TBXAS1: variants seen among roughly 807,000 people sequenced by gnomAD.
TBXAS1 encodes thromboxane A synthase 1.
In TBXAS1, 48 loss-of-function variants were observed where a neutral mutation model predicts 60.7. That is an observed-to-expected ratio of 0.79 (90% CI 0.63 to 1.01). The LOEUF (loss-of-function observed/expected upper bound fraction) is 1.01, where lower values mean the gene tolerates loss of function less well. Among genes scored for constraint, TBXAS1 ranks in the 50% least tolerant of loss-of-function variants. The pLI is 0.00. For missense variants in TBXAS1, 685 were observed against 686.3 expected (o/e 1.00, Z 0.02); for synonymous variants, 287 against 269.7 (o/e 1.06, Z -0.63).
At chr7:139,891,811 A>G (rs969381899) in intron 3 of TBXAS1, among the ~76,000 whole-genome samples, 1 of 152,204 alleles carries the variant, frequency 6.6e-6, no homozygotes, top group African/African-American at 2.4e-5. Context: ...GGAAACTTCA[A>G]ACAGGAAGGT....
At chr7:139,830,640 C>A (rs1798641976) in intron 1 of TBXAS1, among the ~76,000 whole-genome samples, 1 of 152,046 alleles carries the variant, frequency 6.6e-6, no homozygotes, top group Non-Finnish European at 1.5e-5. Context: ...TACCCCCAGC[C>A]CCCAATAATC....
At chr7:139,787,755 T>A (rs1413943725) in intron 4 of TBXAS1, among the ~76,000 whole-genome samples, 1 of 152,222 alleles carries the variant, frequency 6.6e-6, no homozygotes, top group Non-Finnish European at 1.5e-5. Flanking sequence ...GCACCCCATT[T>A]TCCCTTACCT....
Position 139,962,036 on chromosome 7 carries a change from C to A in TBXAS1, c.937C>A (p.Pro313Thr). 2 of 1,614,220 alleles carry A rather than the reference C, an allele frequency of 1.2e-6. No individual in the cohort carries two copies. The highest frequency in any genetic ancestry group is 1.7e-6 in the Non-Finnish European group (2 of 1,180,038). Residue 313 changes from proline (P) to threonine (T), a missense_variant, in exon 9 of 13, where the codon CCT (proline) becomes ACT (threonine). Coordinates refer to ENST00000448866, the MANE Select transcript of TBXAS1 (RefSeq NM_001061.7). ...CTCCTCTACTGGGTGCAAGCCGAAC[C>A]CTTCCCGGCAACACCAGCCCAGCCC... Reference protein sequence around the residue: ...VFSSTGCKPNPSRQHQPSPMA... With the variant: ...VFSSTGCKPNTSRQHQPSPMA...
At chr7:139,898,683 G>A (rs988392413) in intron 3 of TBXAS1, among the ~76,000 whole-genome samples, 3 of 152,142 alleles carry the variant, frequency 2.0e-5, no homozygotes, top group African/African-American at 7.2e-5. Context: ...CTGATGCCCC[G>A]TTGGGGCACT....
chr7:139,880,671 G>A (rs949208556), intron 3 of TBXAS1, among the ~76,000 whole-genome samples: 1 of 152,164 alleles, frequency 6.6e-6, no homozygotes, highest in Non-Finnish European at 1.5e-5. Flanking sequence ...AAATTAGGTA[G>A]TGTTTTTAAG....
chr7:139,817,348 C>T (rs772427198), intron 4 of TBXAS1, among the ~76,000 whole-genome samples: 12 of 152,110 alleles, frequency 7.9e-5, no homozygotes, highest in Admixed American at 2.0e-4. Context: ...CTCCACAAGA[C>T]GCCGCCAGCA....
chr7:139,984,853 G>C (rs1187338255), intron 9 of TBXAS1, among the ~76,000 whole-genome samples: 1 of 129,662 alleles, frequency 7.7e-6, no homozygotes, highest in Admixed American at 8.0e-5. Flanking sequence ...GGAAGGAAAA[G>C]AAAGAAAGAA....
chr7:139,941,086 G>A (rs141550887), intron 5 of TBXAS1, among the ~76,000 whole-genome samples: 177 of 152,292 alleles, frequency 1.2e-3, no homozygotes, highest in Non-Finnish European at 2.1e-3. Flanking sequence ...ACAGATACTC[G>A]GCTGTGGGTA....
At position 140,013,920 on chromosome 7, in the gene TBXAS1, C is replaced by T. The variant is rs1814816741; in HGVS notation, c.1227-1803C>T. ...TTCTGATCTGCTGCCGTCCCCGATT[C>T]ATGGCCTCACTTCACCCACTGATTG... On this transcript the variant is annotated intron_variant, in intron 10 of 12. Coordinates refer to ENST00000448866, the MANE Select transcript of TBXAS1 (RefSeq NM_001061.7). The surrounding 1 kb of genome is among the most constrained non-coding windows in gnomAD (Gnocchi z 4.2). 6.6e-6 allele frequency among the ~76,000 whole-genome samples: 1 copy of T among 152,244 alleles called. No homozygotes were observed. Among genetic ancestry groups the T allele is most frequent in the South Asian group, 2.1e-4 (1 of 4,836 alleles).
In TBXAS1 at chr7:140,019,232, A is replaced by C. The variant is rs572982496; in HGVS notation, c.1528-793A>C. On this transcript the variant is annotated intron_variant, in intron 12 of 12. Coordinates refer to ENST00000448866, the MANE Select transcript of TBXAS1 (RefSeq NM_001061.7). Reference sequence around the variant, plus strand: ...TGAGATACTGAAAGTGAACGCATCCACATACTCTGGGCTGGAGACAGGGAG... The same window carrying C: ...TGAGATACTGAAAGTGAACGCATCCCCATACTCTGGGCTGGAGACAGGGAG... Among the ~76,000 whole-genome samples the C allele has an allele frequency of 2.7e-4, 41 of 152,340 alleles. No individual in the cohort carries two copies. In the East Asian group the frequency reaches 6.7e-3, roughly 25 times the overall value.
chr7:139,951,918 AG>A lies in TBXAS1; in HGVS notation c.451-1449del, dbSNP rs1253944832. ...AGGAAGGAAAGAAAGAGAAAGAAAG[AG>A]AGAAAGAAAGAGAGAAAGAAGGAAA... On this transcript the variant is annotated intron_variant, in intron 5 of 12. Coordinates refer to ENST00000448866, the MANE Select transcript of TBXAS1 (RefSeq NM_001061.7). Among the ~76,000 whole-genome samples the A allele has an allele frequency of 6.2e-5, 7 of 112,890 alleles. 1 individual carries two copies. The highest frequency in any genetic ancestry group is 9.2e-5 in the Non-Finnish European group (5 of 54,130). 74.1% of individuals were successfully genotyped at this position (112,890 alleles called of 152,430 possible).
chr7:139,980,614 C>T, intron 9 of TBXAS1, among the ~76,000 whole-genome samples: 1 of 151,870 alleles, frequency 6.6e-6, no homozygotes, highest in Non-Finnish European at 1.5e-5. Context: ...TATCATCTCT[C>T]CTCCACTTCC....
chr7:139,887,332 C>T (rs980475789), intron 3 of TBXAS1, among the ~76,000 whole-genome samples: 5 of 152,132 alleles, frequency 3.3e-5, no homozygotes, highest in African/African-American at 1.2e-4. Flanking sequence ...CATTAAGTAC[C>T]TTCACATTGT....
intron 4 of TBXAS1, among the ~76,000 whole-genome samples, chr7:139,801,025 T>C (rs1400809434): frequency 6.6e-6 from 1 of 152,230 alleles, no homozygotes. Context: ...CAGAAACAGT[T>C]TGAGACAGTT....
Position 139,967,389 on chromosome 7 carries a change from A to C in TBXAS1, c.1134+5156A>C, listed in dbSNP as rs1319101667. Among the ~76,000 whole-genome samples, 4 of 152,370 alleles carry C rather than the reference A, an allele frequency of 2.6e-5. No homozygotes were observed. The East Asian group carries it at 7.7e-4, about 29-fold the overall frequency. On this transcript the variant is annotated intron_variant, in intron 9 of 12. Coordinates refer to ENST00000448866, the MANE Select transcript of TBXAS1 (RefSeq NM_001061.7). Reference sequence around the variant, plus strand: ...AGACCCTCTTCCTTGGCTTGGGAGTAGGGAGGACCCTCTTCCCTAGGCCAA... The same window carrying C: ...AGACCCTCTTCCTTGGCTTGGGAGTCGGGAGGACCCTCTTCCCTAGGCCAA...
intron 1 of TBXAS1, among the ~76,000 whole-genome samples, chr7:139,854,916 C>T (rs1800478843): frequency 6.6e-6 from 1 of 152,130 alleles, no homozygotes; most frequent in South Asian, 2.1e-4. Context: ...CTGTAAGTAT[C>T]TTTGAACTGC....
chr7:139,783,335 C>G (rs1585491025), intron 3 of TBXAS1, among the ~76,000 whole-genome samples: 1 of 133,346 alleles, frequency 7.5e-6, no homozygotes, highest in South Asian at 2.5e-4. Flanking sequence ...GAGCATTGAG[C>G]AGAAAGGAAA....
Position 140,013,607 on chromosome 7 carries a change from T to C in TBXAS1, c.1227-2116T>C, listed in dbSNP as rs759286745. Among the ~76,000 whole-genome samples the C allele has an allele frequency of 3.9e-5, 6 of 152,210 alleles. No homozygotes were observed. Among genetic ancestry groups the C allele is most frequent in the African/African-American group, 7.2e-5 (3 of 41,462 alleles). ...CCCAGGAACCAGGAACGGCTCTCAC[T>C]GGCAGGCCTCACGGAGGAGACCCAA... On this transcript the variant is annotated intron_variant, in intron 10 of 12. Coordinates refer to ENST00000448866, the MANE Select transcript of TBXAS1 (RefSeq NM_001061.7). The surrounding 1 kb of genome is among the most constrained non-coding windows in gnomAD (Gnocchi z 4.2).
At chr7:139,881,140 T>C (rs1262532823) in intron 3 of TBXAS1, among the ~76,000 whole-genome samples, 1 of 152,250 alleles carries the variant, frequency 6.6e-6, no homozygotes, top group Non-Finnish European at 1.5e-5. Flanking sequence ...TCCCACTTTA[T>C]TTGTAGAAGC....
Sources: gnomAD v4.1 joint callset for allele counts (sites outside exome capture counted in the v4.1 genomes callset) on GRCh38, gnomAD v4.1.1 for gene constraint, Gnocchi (gnomAD v3.1) non-coding constraint, MANE v1.5 for transcripts, NCBI Gene and HGNC (gene_info 2026-07-23, HGNC 2026-07-21) for gene names.